SCFD2: variants seen among roughly 807,000 people sequenced by gnomAD.
The protein encoded by SCFD2 is sec1 family domain-containing protein 2.
A neutral mutation model predicts 58.9 loss-of-function variants in SCFD2; 54 were observed. The ratio of observed to expected loss-of-function variants is 0.92; its 90% CI spans 0.74 to 1.15. The LOEUF (loss-of-function observed/expected upper bound fraction) is 1.15, where lower values mean the gene tolerates loss of function less well. Ranked by LOEUF, SCFD2 falls within the 50% of genes most tolerant of loss-of-function variation. The probability of loss-of-function intolerance (pLI) is 0.00; values close to 1 mark genes in which losing one functional copy is unlikely to be tolerated. For synonymous variants in SCFD2, 321 were observed against 335.9 expected (o/e 0.96, Z 0.49); for missense variants, 805 against 836.6 (o/e 0.96, Z 0.47).
intron 2 of SCFD2, 47 bp from the exon 3 acceptor site, chr4:53,313,810 T>C (rs1489575581): frequency 1.9e-6 from 3 of 1,603,200 alleles, no homozygotes; most frequent in Non-Finnish European, 2.6e-6. Context: ...TTCTACTGGA[T>C]ACTGGAAAGG....
intron 5 of SCFD2, among the ~76,000 whole-genome samples, chr4:52,988,125 G>A (rs1013615762): frequency 6.6e-6 from 1 of 152,200 alleles, no homozygotes; most frequent in African/African-American, 2.4e-5. Context: ...GAAACCTTAT[G>A]TGAGGGAGAG....
intron 7 of SCFD2, among the ~76,000 whole-genome samples, chr4:52,906,177 A>G (rs746455472): frequency 2.0e-5 from 3 of 151,720 alleles, no homozygotes; most frequent in Non-Finnish European, 4.4e-5. Flanking sequence ...CCTTGGCCAG[A>G]CCCCCCTGTA....
Position 53,341,227 on chromosome 4 carries a change from G to T in SCFD2, c.1007+11371C>A, listed in dbSNP as rs149841473. ...ACCTTGAAAAAAGATTAGACAAATG[G>T]CTAACTAGAATAACCAGTGTAGAGA... On this transcript the variant is annotated intron_variant, in intron 2 of 8. Transcript: ENST00000401642. Among the ~76,000 whole-genome samples the T allele has an allele frequency of 8.8e-3, 1,333 of 152,218 alleles. 19 individuals are homozygous for T. The highest frequency in any genetic ancestry group is 0.03 in the African/African-American group (1,256 of 41,548).
chr4:52,963,691 G>A (rs2109543367), intron 5 of SCFD2, among the ~76,000 whole-genome samples: 1 of 152,174 alleles, frequency 6.6e-6, no homozygotes, highest in Non-Finnish European at 1.5e-5. Flanking sequence ...TCAGGAATGG[G>A]GAAAAATAGC....
chr4:52,925,533 ACAAGGTGTGAGGCAT>A lies in SCFD2; in HGVS notation c.1562-4678_1562-4664del, dbSNP rs139136152. The stretch of plus-strand genomic sequence containing the variant: ...CCTTAGATCCTTCTTTTTTGGCCAT[ACAAGGTGTGAGGCAT>A]CCCGGGCCTGGTTGCACAGCCTCCT... On this transcript the variant is annotated intron_variant, in intron 5 of 8. Coordinates refer to ENST00000401642, the MANE Select transcript of SCFD2 (RefSeq NM_152540.4). Among the ~76,000 whole-genome samples the A allele has an allele frequency of 7.8e-3, 1,187 of 152,048 alleles. 12 individuals are homozygous for A. Among genetic ancestry groups the A allele is most frequent in the African/African-American group, 0.025 (1,057 of 41,472 alleles).
At chr4:53,010,280 A>G (rs375851545) in intron 5 of SCFD2, among the ~76,000 whole-genome samples, 1 of 152,242 alleles carries the variant, frequency 6.6e-6, no homozygotes, top group East Asian at 1.9e-4. Flanking sequence ...ATTTACAGGT[A>G]CTTTCTTCGA....
intron 5 of SCFD2, among the ~76,000 whole-genome samples, chr4:53,084,961 C>T (rs1724262605): frequency 6.6e-6 from 1 of 152,202 alleles, no homozygotes; most frequent in Non-Finnish European, 1.5e-5. Context: ...AAAGCCTTTC[C>T]TCTAAGATCT....
chr4:52,949,584 T>G (rs1045893122), intron 5 of SCFD2: 3 of 151,748 alleles, frequency 2.0e-5, no homozygotes, highest in African/African-American at 4.9e-5. Context: ...GACAGGAGAG[T>G]TTTTCCTACA....
intron 2 of SCFD2, among the ~76,000 whole-genome samples, chr4:53,340,286 C>T (rs1733822004): frequency 6.6e-6 from 1 of 152,210 alleles, no homozygotes; most frequent in Non-Finnish European, 1.5e-5. Flanking sequence ...TCCAACGGTT[C>T]TAGCAAACGG....
intron 7 of SCFD2, among the ~76,000 whole-genome samples, chr4:52,902,594 A>G (rs1258959247): frequency 6.6e-6 from 1 of 152,254 alleles, no homozygotes; most frequent in Non-Finnish European, 1.5e-5. Context: ...TTCAGACATC[A>G]CAGTGTGGCA....
chr4:53,317,609 T>C (rs1335426540), intron 2 of SCFD2, among the ~76,000 whole-genome samples: 1 of 152,250 alleles, frequency 6.6e-6, no homozygotes, highest in East Asian at 1.9e-4. Context: ...TGCAAAACTT[T>C]CTGTTTTCCT....
chr4:53,105,550 C>T (rs1288991701), intron 5 of SCFD2, among the ~76,000 whole-genome samples: 1 of 152,202 alleles, frequency 6.6e-6, no homozygotes, highest in Non-Finnish European at 1.5e-5. Context: ...TTTCCCCTAA[C>T]AGTGTAAACA....
chr4:53,152,091 G>GT (rs1726525263), intron 4 of SCFD2, among the ~76,000 whole-genome samples: 1 of 152,120 alleles, frequency 6.6e-6, no homozygotes, highest in Non-Finnish European at 1.5e-5. Flanking sequence ...CAGTCGTTTT[G>GT]TATTATTATT....
intron 4 of SCFD2, among the ~76,000 whole-genome samples, chr4:53,250,742 G>A (rs935067279): frequency 6.6e-6 from 1 of 152,234 alleles, no homozygotes; most frequent in Non-Finnish European, 1.5e-5. Flanking sequence ...CACATTCAAA[G>A]CAGTGTGTAG....
At chr4:53,296,161 T>G (rs1190919596) in intron 3 of SCFD2, among the ~76,000 whole-genome samples, 2 of 152,370 alleles carry the variant, frequency 1.3e-5, no homozygotes, top group East Asian at 3.9e-4. Context: ...TAAAATGAGT[T>G]AGGGAGGATT....
chr4:53,058,359 TTAATATATCA>T (rs1227597163), intron 5 of SCFD2, among the ~76,000 whole-genome samples: 2 of 152,084 alleles, frequency 1.3e-5, no homozygotes, highest in Non-Finnish European at 2.9e-5. Context: ...AAGTATGTTT[TTAATATATCA>T]GACAGTCAGA....
At chr4:53,125,342 C>T (rs1440919521) in intron 5 of SCFD2, among the ~76,000 whole-genome samples, 2 of 152,168 alleles carry the variant, frequency 1.3e-5, no homozygotes, top group Non-Finnish European at 2.9e-5. Flanking sequence ...CTTCTTCCAG[C>T]ATATTATAAC....
At chr4:53,259,704 C>G (rs1560417510) in intron 4 of SCFD2, among the ~76,000 whole-genome samples, 2 of 152,046 alleles carry the variant, frequency 1.3e-5, no homozygotes, top group Non-Finnish European at 2.9e-5. Context: ...TATGCGGGCT[C>G]TTTTTTGGTT....
intron 4 of SCFD2, among the ~76,000 whole-genome samples, chr4:53,166,907 G>A (rs1029175228): frequency 1.3e-5 from 2 of 152,076 alleles, no homozygotes; most frequent in Middle Eastern, 3.4e-3. Flanking sequence ...AAAGCATTTG[G>A]TAGCATTTGG....
Sources: allele counts gnomAD v4.1 joint callset (sites outside exome capture counted in the v4.1 genomes callset), GRCh38; gene constraint gnomAD v4.1.1; transcripts MANE v1.5; gene names NCBI Gene and HGNC (gene_info 2026-07-23, HGNC 2026-07-21).